Variants in ANXA8 observed in about 807,000 individuals in gnomAD.
ANXA8 encodes the protein annexin A8, also known as VAC-beta.
A neutral mutation model predicts 26.8 loss-of-function variants in ANXA8; 9 were observed. The observed-to-expected ratio is 0.34, with a 90% CI of 0.20 to 0.59. The LOEUF (loss-of-function observed/expected upper bound fraction) is 0.59, where lower values mean the gene tolerates loss of function less well. ANXA8 is among the 20% of genes least tolerant of loss of function. ANXA8 has a pLI of 0.84. For synonymous variants in ANXA8, 39 were observed against 94.8 expected (o/e 0.41, Z 3.42); for missense variants, 83 against 238.5 (o/e 0.35, Z 4.29).
At chr10:47,631,151 A>G in the ANXA8 span, among the ~76,000 whole-genome samples, 2 of 150,264 alleles carry the variant, frequency 1.3e-5, no homozygotes, top group Non-Finnish European at 2.9e-5. Flanking sequence ...TGAAAATCAT[A>G]CAAATATAAT....
At chr10:47,558,703 A>G in the ANXA8 span, among the ~76,000 whole-genome samples, 1 of 151,834 alleles carries the variant, frequency 6.6e-6, no homozygotes, top group East Asian at 1.9e-4. Context: ...ACTTTGGGAT[A>G]CAAAAATATA....
chr10:47,733,203 TTCTTTCTTTCTTTCTTTC>T, the ANXA8 span, among the ~76,000 whole-genome samples: 11 of 107,724 alleles, frequency 1.0e-4, no homozygotes, highest in South Asian at 3.5e-4. Context: ...CTTTCTTTCT[TTCTTTCTTTCTTTCTTTC>T]TCTTTCTTTC....
the ANXA8 span, among the ~76,000 whole-genome samples, chr10:47,659,015 G>A: frequency 6.6e-6 from 1 of 150,586 alleles, no homozygotes; most frequent in African/African-American, 2.5e-5. Flanking sequence ...GGGAATACAG[G>A]CGCCCGCCAC....
the ANXA8 span, chr10:47,689,992 G>A: frequency 6.3e-7 from 1 of 1,584,680 alleles, no homozygotes; most frequent in East Asian, 2.3e-5. Context: ...TGTACGTTCT[G>A]TTTCTGAAAC....
the ANXA8 span, among the ~76,000 whole-genome samples, chr10:47,733,175 T>TTCTTTCTTTCTCTC: frequency 2.1e-5 from 2 of 93,270 alleles, no homozygotes; most frequent in African/African-American, 6.3e-5. Flanking sequence ...CTTTCTTTCT[T>TTCTTTCTTTCTCTC]TCTTTCTTTC....
chr10:47,528,441 C>G, the ANXA8 span, among the ~76,000 whole-genome samples: 1 of 130,806 alleles, frequency 7.6e-6, no homozygotes, highest in African/African-American at 2.8e-5. Flanking sequence ...AAAGTCTACA[C>G]TTCTTGATAC....
At chr10:47,674,981 A>G in the ANXA8 span, among the ~76,000 whole-genome samples, 1 of 149,140 alleles carries the variant, frequency 6.7e-6, no homozygotes, top group Non-Finnish European at 1.5e-5. Context: ...GCTTTAGTAT[A>G]TGCTTTATCT....
the ANXA8 span, among the ~76,000 whole-genome samples, chr10:47,724,643 A>G: frequency 7.1e-6 from 1 of 140,972 alleles, no homozygotes; most frequent in African/African-American, 2.6e-5. Flanking sequence ...TGTAATTTGT[A>G]TTTGCATACT....
the ANXA8 span, among the ~76,000 whole-genome samples, chr10:47,636,826 G>C: frequency 6.6e-6 from 1 of 151,554 alleles, no homozygotes; most frequent in Non-Finnish European, 1.5e-5. Flanking sequence ...TTCCAGTTTG[G>C]TTATTCACAG....
the ANXA8 span, chr10:47,589,061 G>T: frequency 7.9e-6 from 1 of 126,634 alleles, no homozygotes. Flanking sequence ...CAATCCACCC[G>T]CCTCAGCCAC....
the ANXA8 span, among the ~76,000 whole-genome samples, chr10:47,687,307 G>GGCTGGAGT: frequency 6.7e-6 from 1 of 149,758 alleles, no homozygotes; most frequent in South Asian, 2.1e-4. Context: ...CTGTCACCCA[G>GGCTGGAGT]GCTGGAGTGC....
chr10:47,733,173 CTTTCTTTCTT>C, the ANXA8 span, among the ~76,000 whole-genome samples: 20 of 100,586 alleles, frequency 2.0e-4, no homozygotes, highest in African/African-American at 5.5e-4. Context: ...TTCTTTCTTT[CTTTCTTTCTT>C]TCTTTCTTTC....
At chr10:47,649,556 G>A in the ANXA8 span, among the ~76,000 whole-genome samples, 9 of 151,006 alleles carry the variant, frequency 6.0e-5, no homozygotes, top group Non-Finnish European at 8.8e-5. Context: ...CTACAGGCAC[G>A]CACCACCACG....
At chr10:47,620,816 T>C in the ANXA8 span, among the ~76,000 whole-genome samples, 2 of 108,462 alleles carry the variant, frequency 1.8e-5, no homozygotes, top group African/African-American at 3.6e-5. Flanking sequence ...TTTCCTGTTA[T>C]CCACTCATGT....
the ANXA8 span, chr10:47,565,421 C>T: frequency 4.3e-6 from 2 of 462,124 alleles, no homozygotes. Flanking sequence ...CACCAGCCGC[C>T]TCAAGCCCTC....
At chr10:47,556,045 A>T in the ANXA8 span, among the ~76,000 whole-genome samples, 1 of 152,114 alleles carries the variant, frequency 6.6e-6, no homozygotes. Flanking sequence ...GGCAAAGATA[A>T]CTACAAAATT....
the ANXA8 span, among the ~76,000 whole-genome samples, chr10:47,703,260 A>G: frequency 6.6e-6 from 1 of 151,504 alleles, no homozygotes; most frequent in Non-Finnish European, 1.5e-5. Flanking sequence ...AATCTGAGAG[A>G]AAAGAAAAAA....
the ANXA8 span, among the ~76,000 whole-genome samples, chr10:47,680,045 G>A: frequency 6.6e-6 from 1 of 150,852 alleles, no homozygotes; most frequent in East Asian, 1.9e-4. Context: ...GCATAGTCTT[G>A]GCTCACTGCA....
the ANXA8 span, among the ~76,000 whole-genome samples, chr10:47,941,673 C>T: frequency 6.8e-6 from 1 of 147,400 alleles, no homozygotes; most frequent in Non-Finnish European, 1.5e-5. Context: ...GCATTTTCTT[C>T]AGTTCTTATG....
Sources: allele counts gnomAD v4.1 joint callset (sites outside exome capture counted in the v4.1 genomes callset), GRCh38; gene constraint gnomAD v4.1.1; transcripts MANE v1.5; gene names NCBI Gene and HGNC (gene_info 2026-07-23, HGNC 2026-07-21).